The following NAALADL2 variants were observed in gnomAD, a reference collection of about 807,000 sequenced individuals.
The protein encoded by NAALADL2 is inactive N-acetylated-alpha-linked acidic dipeptidase-like protein 2.
Under a neutral mutation model 87.2 loss-of-function variants are expected in NAALADL2, and 76 were observed. That is an observed-to-expected ratio of 0.87 (90% CI 0.72 to 1.05). NAALADL2 has a LOEUF of 1.05. Among genes scored for constraint, NAALADL2 ranks in the 50% least tolerant of loss-of-function variants. The pLI is 0.00. For missense variants in NAALADL2, 1,089 were observed against 945.8 expected, an observed-to-expected ratio of 1.15 and a Z score of -1.99; for synonymous variants, 354 against 331.0, an observed-to-expected ratio of 1.07 and a Z score of -0.75.
At chr3:174,542,086 C>A (rs1321287342) in intron 1 of NAALADL2, among the ~76,000 whole-genome samples, 1 of 152,164 alleles carries the variant, frequency 6.6e-6, no homozygotes. Flanking sequence ...AGAAAAGAAA[C>A]AGCAACTTCC....
intron 1 of NAALADL2, among the ~76,000 whole-genome samples, chr3:174,504,499 T>C (rs970111860): frequency 1.3e-5 from 2 of 152,236 alleles, no homozygotes; most frequent in South Asian, 4.1e-4. Context: ...TTTCTTAGTT[T>C]ATGCAGAGTA....
intron 2 of NAALADL2, among the ~76,000 whole-genome samples, chr3:174,608,647 GC>G (rs1224726748): frequency 1.3e-5 from 2 of 152,006 alleles, no homozygotes; most frequent in East Asian, 3.9e-4. Flanking sequence ...CCAATAACAG[GC>G]TCTGAAATTG....
rs577323790 is a variant in NAALADL2, at chr3:175,786,260, TG to T, written c.2190-16741del. 6.1e-3 allele frequency among the ~76,000 whole-genome samples: 927 copies of T among 152,248 alleles called. 7 individuals carry two copies. The highest frequency in any genetic ancestry group is 0.021 in the African/African-American group (883 of 41,506). The stretch of plus-strand genomic sequence containing the variant: ...TGAACCTTGGCCTGCCTTGCTAGAT[TG>T]GGGAAGTTCTCCTGGATAATATCCT... On this transcript the variant is annotated intron_variant, in intron 13 of 13. Coordinates refer to ENST00000454872, the MANE Select transcript of NAALADL2 (RefSeq NM_207015.3).
chr3:174,512,151 T>A (rs1284477135), intron 1 of NAALADL2, among the ~76,000 whole-genome samples: 11 of 152,172 alleles, frequency 7.2e-5, no homozygotes, highest in Admixed American at 7.2e-4. Context: ...ATTTCTGATG[T>A]AGTAGCAATA....
chr3:174,807,985 A>G (rs1052803257), intron 3 of NAALADL2, among the ~76,000 whole-genome samples: 2 of 151,824 alleles, frequency 1.3e-5, no homozygotes, highest in South Asian at 4.1e-4. Context: ...GTAGAATGTT[A>G]TATTTTGTTT....
In NAALADL2 at chr3:174,635,638, G is replaced by T. The variant is rs529936539; in HGVS notation, c.-115+85001G>T. 2.0e-5 allele frequency among the ~76,000 whole-genome samples: 3 copies of T among 152,012 alleles called. No individual in the cohort carries two copies. In the South Asian group the frequency reaches 6.2e-4, roughly 32 times the overall value. Reference sequence around the variant, plus strand: ...CTGCCTCAGCCTGTCAAGTAGCTGGGATTACAGGCATGTGCCACCATGCCC... The same window carrying T: ...CTGCCTCAGCCTGTCAAGTAGCTGGTATTACAGGCATGTGCCACCATGCCC... On this transcript the variant is annotated intron_variant, in intron 2 of 3. Transcript: ENST00000434257.
In NAALADL2 at chr3:175,680,405, A is replaced by G. The variant is rs145616504; in HGVS notation, c.1896+53019A>G. Among the ~76,000 whole-genome samples the G allele has an allele frequency of 1.7e-3, 265 of 152,330 alleles. 1 individual carries two copies. Among genetic ancestry groups the G allele is most frequent in the African/African-American group, 6.0e-3 (249 of 41,576 alleles). ...TTATTTCCTTGAAGAATCAAGGTCT[A>G]ATATCAGTGATAGATGGGTATATAC... On this transcript the variant is annotated intron_variant, in intron 11 of 13. Coordinates refer to ENST00000454872, the MANE Select transcript of NAALADL2 (RefSeq NM_207015.3).
At chr3:175,551,087 C>CGTGTGTGT (rs60306944) in intron 9 of NAALADL2, among the ~76,000 whole-genome samples, 7 of 149,318 alleles carry the variant, frequency 4.7e-5, no homozygotes, top group African/African-American at 1.7e-4. Context: ...TGTGTCTCTG[C>CGTGTGTGT]GTGTGTGTGT....
intron 1 of NAALADL2, among the ~76,000 whole-genome samples, chr3:174,543,498 A>C (rs927001949): frequency 1.3e-5 from 2 of 151,996 alleles, no homozygotes; most frequent in Non-Finnish European, 2.9e-5. Flanking sequence ...TTTTAAGAAA[A>C]CTGCTTTCTA....
intron 13 of NAALADL2, among the ~76,000 whole-genome samples, chr3:175,775,644 T>C (rs1442699465): frequency 6.6e-6 from 1 of 152,146 alleles, no homozygotes; most frequent in Non-Finnish European, 1.5e-5. Context: ...TTTTGCCAAT[T>C]TGCGAAGTCT....
At chr3:175,524,789 T>C (rs1733154028) in intron 9 of NAALADL2, among the ~76,000 whole-genome samples, 1 of 152,170 alleles carries the variant, frequency 6.6e-6, no homozygotes, top group Admixed American at 6.5e-5. Flanking sequence ...AGAGATAGCT[T>C]GTTAACAAGT....
At chr3:174,834,833 CA>C (rs141479191) in intron 3 of NAALADL2, among the ~76,000 whole-genome samples, 13,383 of 151,530 alleles carry the variant, frequency 0.088, 665 homozygotes, top group Middle Eastern at 0.12. Context: ...GGTTAGAAGA[CA>C]ATATTTTGAA....
intron 10 of NAALADL2, chr3:175,581,144 TA>T: frequency 2.3e-5 from 9 of 395,624 alleles, no homozygotes; most frequent in South Asian, 3.7e-5. Context: ...AAAATCTCTT[TA>T]AAAAAGGCTG....
chr3:175,660,942 A>T (rs147559763), intron 11 of NAALADL2, among the ~76,000 whole-genome samples: 1 of 152,240 alleles, frequency 6.6e-6, no homozygotes, highest in African/African-American at 2.4e-5. Context: ...TATTGTGAAT[A>T]GGGCTGCAAT....
chr3:174,902,610 G>C (rs987881538), intron 1 of NAALADL2, among the ~76,000 whole-genome samples: 1 of 152,050 alleles, frequency 6.6e-6, no homozygotes, highest in African/African-American at 2.4e-5. Context: ...CTATATTAAG[G>C]GAGATACTGC....
chr3:175,745,655 A>T (rs1387305351), intron 12 of NAALADL2, among the ~76,000 whole-genome samples: 1 of 152,202 alleles, frequency 6.6e-6, no homozygotes, highest in Non-Finnish European at 1.5e-5. Context: ...AATATTTTCA[A>T]TCTACAGTTG....
chr3:174,606,564 G>A lies in NAALADL2; in HGVS notation c.-115+55927G>A, dbSNP rs190252095. Among the ~76,000 whole-genome samples, 654 of 152,296 alleles carry A rather than the reference G, an allele frequency of 4.3e-3. 4 individuals are homozygous for A. The highest frequency in any genetic ancestry group is 0.015 in the African/African-American group (629 of 41,556). On this transcript the variant is annotated intron_variant, in intron 2 of 3. Transcript: ENST00000434257. ...TCGATGTGATCAACTGGAAGAAAGG[G>A]TATCAGCAATGGAAGATGAAATGAA...
At chr3:174,700,748 C>A (rs7639982) in intron 2 of NAALADL2, among the ~76,000 whole-genome samples, 95,667 of 151,922 alleles carry the variant, frequency 0.63, 30,205 homozygotes, top group Middle Eastern at 0.71. Flanking sequence ...ATTTAGAAAT[C>A]AGGGCAATGA....
At chr3:175,534,915 A>G (rs1472515448) in intron 9 of NAALADL2, among the ~76,000 whole-genome samples, 6 of 151,876 alleles carry the variant, frequency 4.0e-5, no homozygotes, top group African/African-American at 1.5e-4. Context: ...AAAAAAAAAA[A>G]GAACATATCC....
Sources: allele counts gnomAD v4.1 joint callset (sites outside exome capture counted in the v4.1 genomes callset), GRCh38; gene constraint gnomAD v4.1.1; transcripts MANE v1.5; gene names NCBI Gene and HGNC (gene_info 2026-07-23, HGNC 2026-07-21).